CUBN: variants seen among roughly 807,000 people sequenced by gnomAD.
The protein encoded by CUBN is 460 kDa receptor.
A neutral mutation model predicts 405.3 loss-of-function variants in CUBN; 282 were observed. That is an observed-to-expected ratio of 0.70 (90% confidence interval 0.63 to 0.77). The LOEUF is 0.77. Among genes scored for constraint, CUBN ranks in the 30% least tolerant of loss-of-function variants. CUBN has a pLI of 0.00. For missense variants in CUBN, 4,514 were observed against 4,475.2 expected, an observed-to-expected ratio of 1.01 and a Z score of -0.25; for synonymous variants, 1,684 against 1,617.0, an observed-to-expected ratio of 1.04 and a Z score of -0.99.
intron 66 of CUBN, among the ~76,000 whole-genome samples, chr10:16,828,327 A>G (rs1838856031): frequency 1.3e-5 from 2 of 152,220 alleles, no homozygotes; most frequent in Non-Finnish European, 2.9e-5. Context: ...AATGCCCACC[A>G]GATGGCACTC....
chr10:17,054,191 C>T (rs556660773), intron 22 of CUBN, among the ~76,000 whole-genome samples: 1 of 151,898 alleles, frequency 6.6e-6, no homozygotes, highest in African/African-American at 2.4e-5. Flanking sequence ...ATTAACCAGG[C>T]ATGGTGGCGA....
intron 65 of CUBN, among the ~76,000 whole-genome samples, chr10:16,829,727 T>C (rs552251248): frequency 1.3e-5 from 2 of 152,284 alleles, no homozygotes; most frequent in African/African-American, 2.4e-5. Context: ...ACAGAGCACG[T>C]GGCTGGGCCT....
chr10:17,025,008 C>T (rs1400104111), intron 27 of CUBN, among the ~76,000 whole-genome samples: 1 of 152,058 alleles, frequency 6.6e-6, no homozygotes, highest in Non-Finnish European at 1.5e-5. Flanking sequence ...TCAAGAGTTT[C>T]TTTAGGATGA....
In CUBN at chr10:16,914,432, G is replaced by A. The variant is rs553495682; in HGVS notation, c.7352-440C>T. ...AAATTAGCCGGGCGTCGTGGCGTGC[G>A]CCTGTAATCTCAGCTACTCAGGAGC... On this transcript the variant is annotated intron_variant, in intron 47 of 66. Transcript: ENST00000377833. 3.9e-5 allele frequency among the ~76,000 whole-genome samples: 6 copies of A among 152,118 alleles called. No homozygotes were observed. In the South Asian group the frequency reaches 8.3e-4, roughly 21 times the overall value.
chr10:16,966,616 A>C (rs1333624965), intron 31 of CUBN, among the ~76,000 whole-genome samples: 1 of 151,992 alleles, frequency 6.6e-6, no homozygotes, highest in Non-Finnish European at 1.5e-5. Context: ...ACCCAGCTAC[A>C]TTTCGTATTT....
In CUBN at chr10:16,913,845, G is replaced by C; in HGVS notation, c.7499C>G (p.Ala2500Gly). Residue 2500 changes from alanine to glycine, a missense_variant, in exon 48 of 67, where the codon GCC becomes GGC. Around this residue, in one of 5 missense-constraint regions of CUBN, gnomAD observed 1,613 missense variants for 1,542.8 expected, o/e 1.05. Transcript: ENST00000377833. ...ITLMFNNLRL[A>G]THPSCNNEHV... Reference sequence around the variant, plus strand: ...CTCATTGTTGCAGGACGGATGCGTGGCCAGCCTCAGGTTGTTAAACATTAG... The same window carrying C: ...CTCATTGTTGCAGGACGGATGCGTGCCCAGCCTCAGGTTGTTAAACATTAG... The C allele has an allele frequency of 6.2e-7, 1 of 1,613,970 alleles. No individual in the cohort carries two copies. Among genetic ancestry groups the C allele is most frequent in the Non-Finnish European group, 8.5e-7 (1 of 1,180,022 alleles).
chr10:16,934,388 C>T (rs1196566801), intron 39 of CUBN, among the ~76,000 whole-genome samples: 2 of 152,142 alleles, frequency 1.3e-5, no homozygotes, highest in East Asian at 3.8e-4. Context: ...TGAATCTTAT[C>T]AGGGCCAACA....
chr10:17,027,127 T>C (rs1834688722), intron 27 of CUBN, among the ~76,000 whole-genome samples: 2 of 152,338 alleles, frequency 1.3e-5, no homozygotes, highest in South Asian at 4.1e-4. Context: ...CTGCTTTCTA[T>C]ATATTACTCC....
intron 25 of CUBN, among the ~76,000 whole-genome samples, chr10:17,044,441 A>C (rs568740641): frequency 6.6e-6 from 1 of 152,028 alleles, no homozygotes; most frequent in Non-Finnish European, 1.5e-5. Flanking sequence ...GGACATGTGC[A>C]GCAGTAATAA....
chr10:17,119,630 A>G (rs764546853), intron 6 of CUBN, among the ~76,000 whole-genome samples: 48 of 152,330 alleles, frequency 3.2e-4, no homozygotes, highest in Middle Eastern at 3.4e-3. Flanking sequence ...GGGTGACAAG[A>G]GCAAGACTCT....
chr10:17,102,985 T>C, intron 13 of CUBN, 140 bp downstream of exon 13: 2 of 673,566 alleles, frequency 3.0e-6, no homozygotes, highest in East Asian at 2.9e-5. Flanking sequence ...GCCAAAATAA[T>C]GGCACTCCGT....
At chr10:16,944,597 C>T (rs747623339) in intron 36 of CUBN, among the ~76,000 whole-genome samples, 14 of 152,192 alleles carry the variant, frequency 9.2e-5, no homozygotes, top group Non-Finnish European at 1.9e-4. Flanking sequence ...CTTGCCTTCT[C>T]ATTAATCAAC....
At chr10:17,028,728 A>AG (rs1277401701) in intron 27 of CUBN, among the ~76,000 whole-genome samples, 9 of 151,600 alleles carry the variant, frequency 5.9e-5, no homozygotes, top group Non-Finnish European at 1.2e-4. Context: ...CTCAAAAAAA[A>AG]AAAGAAAGAA....
chr10:16,842,199 C>T (rs1185029655), intron 60 of CUBN, among the ~76,000 whole-genome samples: 1 of 151,980 alleles, frequency 6.6e-6, no homozygotes, highest in Admixed American at 6.6e-5. Context: ...TGCATGCCAC[C>T]ATGCCTAGCT....
chr10:16,829,659 A>G (rs114803450), intron 65 of CUBN, among the ~76,000 whole-genome samples: 22 of 152,326 alleles, frequency 1.4e-4, no homozygotes, highest in African/African-American at 5.3e-4. Context: ...GATTTAGACT[A>G]TATATCTGTG....
chr10:17,017,723 C>A (rs1834371371), intron 28 of CUBN, among the ~76,000 whole-genome samples: 1 of 152,076 alleles, frequency 6.6e-6, no homozygotes, highest in African/African-American at 2.4e-5. Context: ...ATTGGTGAAC[C>A]CAGGTGCCTA....
chr10:17,062,344 T>G (rs1037977969), intron 22 of CUBN, among the ~76,000 whole-genome samples: 3 of 152,334 alleles, frequency 2.0e-5, no homozygotes, highest in Non-Finnish European at 4.4e-5. Flanking sequence ...AAGTTCCCTC[T>G]TAGCAGGATT....
intron 51 of CUBN, among the ~76,000 whole-genome samples, chr10:16,903,664 T>A (rs905926434): frequency 2.0e-5 from 3 of 147,182 alleles, no homozygotes; most frequent in Non-Finnish European, 4.5e-5. Context: ...AATAATTATT[T>A]ATTATTATTA....
At chr10:17,023,754 A>G in intron 27 of CUBN, 1 of 376,986 alleles carries the variant, frequency 2.7e-6, no homozygotes, top group Non-Finnish European at 5.5e-6. Flanking sequence ...AGTAAAAACT[A>G]AGAAAGATTG....
Sources: gnomAD v4.1 joint callset for allele counts (sites outside exome capture counted in the v4.1 genomes callset) on GRCh38, gnomAD v4.1.1 for gene constraint, gnomAD v4.1.1 regional missense constraint, MANE v1.5 for transcripts, NCBI Gene and HGNC (gene_info 2026-07-23, HGNC 2026-07-21) for gene names.